Variants in LRRC37B observed in about 807,000 individuals in gnomAD.
LRRC37B encodes leucine-rich repeat-containing protein 37B.
A neutral mutation model predicts 98.3 loss-of-function variants in LRRC37B; 28 were observed. That is an observed-to-expected ratio of 0.28 (90% confidence interval 0.21 to 0.39). The LOEUF (loss-of-function observed/expected upper bound fraction) is 0.39, where lower values mean the gene tolerates loss of function less well. LRRC37B is among the 10% of genes least tolerant of loss of function. The pLI is 1.00. For missense variants in LRRC37B, 938 were observed against 1,182.7 expected (o/e 0.79, Z 3.03); for synonymous variants, 364 against 442.7 (o/e 0.82, Z 2.23).
At chr17:32,045,318 A>G (rs890555701) in intron 7 of LRRC37B, among the ~76,000 whole-genome samples, 9 of 152,132 alleles carry the variant, frequency 5.9e-5, no homozygotes, top group Non-Finnish European at 1.3e-4. Context: ...CACTCCCAAC[A>G]GAAATTGAGA....
chr17:32,031,278 G>T (rs552293760), intron 4 of LRRC37B, 100 bp from the exon 8 acceptor site: 1 of 1,532,164 alleles, frequency 6.5e-7, no homozygotes, highest in Non-Finnish European at 8.8e-7. Context: ...ACAGAGAAAA[G>T]ATTGAGGTGA....
Position 32,022,831 on chromosome 17 carries a change from A to G in LRRC37B, c.1760+6A>G. 1 of 1,612,980 alleles carries G rather than the reference A, an allele frequency of 6.2e-7. No individual in the cohort carries two copies. Among genetic ancestry groups the G allele is most frequent in the Non-Finnish European group, 8.5e-7 (1 of 1,179,314 alleles). On this transcript the variant is annotated splice_donor_region_variant and intron_variant, in intron 1 of 11. Coordinates refer to ENST00000327564, the Ensembl canonical transcript of LRRC37B. ...AATGGCATCTTCACCACCTTGTAAG[A>G]ATCACCTTTCCTCAATCATCCTCTG...
intron 1 of LRRC37B, 118 bp from the exon 5 acceptor site, chr17:32,024,593 G>T (rs1910890136): frequency 8.3e-6 from 13 of 1,566,626 alleles, no homozygotes; most frequent in African/African-American, 1.4e-5. Flanking sequence ...CTGGAAATGA[G>T]AAAGCAGGTG....
rs1392076168 is a variant in LRRC37B, at chr17:32,021,009, GA to G, written c.-56del. On this transcript the variant is annotated 5_prime_UTR_variant, in exon 1 of 12. Transcript: ENST00000327564. ...AAGGTTGCCCTGGTAACATGGAACA[GA>G]TCTGGACCCAAGCCTAATAAAGGTG... 8.3e-6 allele frequency: 13 copies of G among 1,560,990 alleles called. No homozygotes were observed. In the East Asian group the frequency reaches 2.9e-4, roughly 35 times the overall value.
chr17:32,036,980 T>TC (rs1911262567), intron 7 of LRRC37B, among the ~76,000 whole-genome samples: 1 of 122,122 alleles, frequency 8.2e-6, no homozygotes, highest in Non-Finnish European at 1.7e-5. Flanking sequence ...TTCAGCATTT[T>TC]TTTTTTTTTT....
Position 32,043,357 on chromosome 17 carries a change from T to C in LRRC37B, c.2205-2343T>C, listed in dbSNP as rs1207420348. On this transcript the variant is annotated intron_variant, in intron 7 of 11. Coordinates refer to ENST00000327564, the Ensembl canonical transcript of LRRC37B. Reference sequence around the variant, plus strand: ...GAGGGGGTTGCTTGAGCTCAGGAGTTTGAGACCAGCCTGGGCAACGTGGTG... The same window carrying C: ...GAGGGGGTTGCTTGAGCTCAGGAGTCTGAGACCAGCCTGGGCAACGTGGTG... Among the ~76,000 whole-genome samples the C allele has an allele frequency of 2.0e-5, 3 of 152,216 alleles. No individual in the cohort carries two copies. In the East Asian group the frequency reaches 5.8e-4, roughly 29 times the overall value.
chr17:32,041,788 C>G, intron 7 of LRRC37B: 1 of 458,760 alleles, frequency 2.2e-6, no homozygotes, highest in Middle Eastern at 3.5e-4. Context: ...CCGGCCTCCT[C>G]CCTGCTCCCC....
chr17:32,037,943 T>TA (rs1181621376), intron 7 of LRRC37B, among the ~76,000 whole-genome samples: 2 of 151,868 alleles, frequency 1.3e-5, no homozygotes, highest in African/African-American at 2.4e-5. Flanking sequence ...CAGTCTCTAC[T>TA]AAATACACAC....
At chr17:32,011,790 C>G (rs1030098921) in intron 1 of LRRC37B, among the ~76,000 whole-genome samples, 1 of 152,246 alleles carries the variant, frequency 6.6e-6, no homozygotes, top group Non-Finnish European at 1.5e-5. Context: ...AGCCACCGCG[C>G]CCAGCCCCTT....
intron 1 of LRRC37B, among the ~76,000 whole-genome samples, chr17:32,008,623 G>C (rs1470913384): frequency 6.6e-6 from 1 of 152,238 alleles, no homozygotes; most frequent in Non-Finnish European, 1.5e-5. Flanking sequence ...GTGGCACACA[G>C]ACACACAGAA....
intron 11 of LRRC37B, 131 bp downstream of exon 14, chr17:32,050,238 G>T: frequency 1.5e-6 from 1 of 683,596 alleles, no homozygotes; most frequent in Non-Finnish European, 2.7e-6. Flanking sequence ...GCTGAGGTGT[G>T]CTTTGTTCTT....
At chr17:32,032,681 C>T (rs1167360605) in intron 5 of LRRC37B, among the ~76,000 whole-genome samples, 2 of 152,130 alleles carry the variant, frequency 1.3e-5, no homozygotes, top group African/African-American at 2.4e-5. Context: ...TGCAGATGCT[C>T]CTCTCTGTCT....
chr17:32,047,645 G>T, intron 8 of LRRC37B, 116 bp from the exon 12 acceptor site: 1 of 1,465,118 alleles, frequency 6.8e-7, no homozygotes, highest in Non-Finnish European at 9.5e-7. Flanking sequence ...TCTCTGAATG[G>T]CACTCGAATG....
chr17:32,038,780 C>T (rs1436774022), intron 7 of LRRC37B, among the ~76,000 whole-genome samples: 1 of 152,130 alleles, frequency 6.6e-6, no homozygotes, highest in Non-Finnish European at 1.5e-5. Flanking sequence ...AGTGCTTGAA[C>T]CTGGGAGGTG....
chr17:32,049,435 A>G, intron 10 of LRRC37B, 41 bp downstream of exon 13: 1 of 1,578,644 alleles, frequency 6.3e-7, no homozygotes, highest in Non-Finnish European at 8.6e-7. Flanking sequence ...ATTTCCCATC[A>G]TTTAGCGTAT....
chr17:32,022,322 A>T, exon 1 of LRRC37B: 2 of 1,613,908 alleles, frequency 1.2e-6, no homozygotes, highest in Non-Finnish European at 1.7e-6. Flanking sequence ...CTCCTCCAGA[A>T]CACCCTGAGG....
intron 5 of LRRC37B, among the ~76,000 whole-genome samples, chr17:32,033,316 A>G (rs968220483): frequency 2.3e-5 from 3 of 133,206 alleles, no homozygotes; most frequent in Non-Finnish European, 3.2e-5. Flanking sequence ...GGAAGGAAGG[A>G]AGGGAGGAAG....
rs200937077 is a variant in LRRC37B at position 32,031,470 on chromosome 17, A to G, written c.2057+12A>G. ...TTTTTACACAACTTGTAAGTGAAAT[A>G]GAAGATGAATACGTGTAAACGACTA... On this transcript the variant is annotated intron_variant, in intron 5 of 11. Coordinates refer to ENST00000327564, the Ensembl canonical transcript of LRRC37B. 427 of 1,285,702 alleles carry G rather than the reference A, an allele frequency of 3.3e-4. No homozygotes were observed. Among genetic ancestry groups the G allele is most frequent in the Non-Finnish European group, 4.2e-4 (386 of 913,702 alleles). 79.6% of individuals were successfully genotyped at this position (1,285,702 alleles called of 1,614,324 possible).
intron 7 of LRRC37B, among the ~76,000 whole-genome samples, chr17:32,039,594 ATATATAT>A (rs1190033712): frequency 1.5e-5 from 2 of 131,404 alleles, no homozygotes; most frequent in Admixed American, 8.5e-5. Flanking sequence ...TTATATATTT[ATATATAT>A]TATATATATA....
Sources: gnomAD v4.1 joint callset for allele counts (sites outside exome capture counted in the v4.1 genomes callset) on GRCh38, gnomAD v4.1.1 for gene constraint, MANE v1.5 for transcripts, NCBI Gene and HGNC (gene_info 2026-07-23, HGNC 2026-07-21) for gene names.